MNAT1: variants seen among roughly 807,000 people sequenced by gnomAD.
MNAT1 encodes the protein MNAT1 component of CDK activating kinase, also known as CDK-activating kinase assembly factor MAT1.
In MNAT1, 43 loss-of-function variants were observed where a neutral mutation model predicts 42.0. That is an observed-to-expected ratio of 1.02 (90% CI 0.80 to 1.32). MNAT1 has a LOEUF of 1.32. Among genes scored for constraint, MNAT1 ranks in the 40% most tolerant of loss-of-function variants. MNAT1 has a pLI of 0.00. For missense variants in MNAT1, 306 were observed against 350.4 expected (o/e 0.87, Z 1.01); for synonymous variants, 118 against 120.0 (o/e 0.98, Z 0.11).
At position 60,906,016 on chromosome 14, in the gene MNAT1, G is replaced by C. The variant is rs1183807388; in HGVS notation, c.809+26181G>C. Among the ~76,000 whole-genome samples the C allele has an allele frequency of 2.6e-5, 4 of 152,346 alleles. No homozygotes were observed. In the East Asian group the frequency reaches 5.8e-4, roughly 22 times the overall value. On this transcript the variant is annotated intron_variant, in intron 7 of 7. Coordinates refer to ENST00000261245, the MANE Select transcript of MNAT1 (RefSeq NM_002431.4). ...GATAAAAGGATGGATAGTGATTGGA[G>C]TAGTGTGCTATTTTTGGTGATTGAA...
intron 7 of MNAT1, among the ~76,000 whole-genome samples, chr14:60,938,663 T>C (rs2036065780): frequency 6.6e-6 from 1 of 152,216 alleles, no homozygotes; most frequent in Admixed American, 6.5e-5. Context: ...TTTGTATCAA[T>C]GTTCATCAGG....
At chr14:60,785,732 A>C (rs2031626834) in intron 1 of MNAT1, among the ~76,000 whole-genome samples, 1 of 152,200 alleles carries the variant, frequency 6.6e-6, no homozygotes. Context: ...ATTGATTCAC[A>C]AGAATGTATA....
intron 1 of MNAT1, among the ~76,000 whole-genome samples, chr14:60,744,376 C>G (rs1229475887): frequency 6.6e-6 from 1 of 151,972 alleles, no homozygotes; most frequent in Admixed American, 6.6e-5. Context: ...AAGTGATCTG[C>G]GTGCCTCGGC....
chr14:60,735,271 GC>G (rs1896272402), intron 1 of MNAT1, among the ~76,000 whole-genome samples: 1 of 152,164 alleles, frequency 6.6e-6, no homozygotes, highest in African/African-American at 2.4e-5. Flanking sequence ...CTGATTAAAA[GC>G]GTGGGGGATT....
intron 7 of MNAT1, among the ~76,000 whole-genome samples, chr14:60,896,734 C>T (rs978664133): frequency 1.1e-4 from 16 of 152,152 alleles, no homozygotes; most frequent in Admixed American, 3.3e-4. Context: ...GATCCACACG[C>T]CTCAGCCTCC....
intron 6 of MNAT1, among the ~76,000 whole-genome samples, chr14:60,875,248 C>T (rs1381844618): frequency 6.6e-6 from 1 of 152,000 alleles, no homozygotes; most frequent in African/African-American, 2.4e-5. Context: ...AATTGAACAA[C>T]CATGATTATA....
chr14:60,798,181 A>G (rs373355303), intron 3 of MNAT1, 21 bp downstream of exon 3: 14 of 1,254,836 alleles, frequency 1.1e-5, no homozygotes, highest in Non-Finnish European at 1.4e-5. Flanking sequence ...AATTTGATGT[A>G]TGCTAGCCTA....
At chr14:60,775,811 G>A (rs1447449774) in intron 1 of MNAT1, among the ~76,000 whole-genome samples, 1 of 152,202 alleles carries the variant, frequency 6.6e-6, no homozygotes, top group Non-Finnish European at 1.5e-5. Context: ...TGATTGAGGT[G>A]AGAATGGGAA....
At chr14:60,756,257 A>C (rs1470863562) in intron 1 of MNAT1, among the ~76,000 whole-genome samples, 1 of 152,210 alleles carries the variant, frequency 6.6e-6, no homozygotes, top group Admixed American at 6.5e-5. Flanking sequence ...AACCATACAC[A>C]TTTGTTGAAC....
chr14:60,909,757 T>A (rs1347684240), intron 7 of MNAT1, among the ~76,000 whole-genome samples: 1 of 152,228 alleles, frequency 6.6e-6, no homozygotes, highest in African/African-American at 2.4e-5. Context: ...TCAGGCAGCG[T>A]GATGCCTCCA....
At position 60,913,399 on chromosome 14, in the gene MNAT1, C is replaced by T. The variant is rs141825142; in HGVS notation, c.809+33564C>T. Among the ~76,000 whole-genome samples, 99 of 152,264 alleles carry T rather than the reference C, an allele frequency of 6.5e-4. No homozygotes were observed. The East Asian group carries it at 0.016, about 24-fold the overall frequency. On this transcript the variant is annotated intron_variant, in intron 7 of 7. Transcript: ENST00000261245. ...CTGCATTCCTTTGGAGGAGGAGAGG[C>T]GCTCTGATTTTTAGAGTTTCCAGTT...
At position 60,955,620 on chromosome 14, in the gene MNAT1, C is replaced by T. The variant is rs372257101; in HGVS notation, c.810-12609C>T. ...AGGTTGCAGTGAGCCAAGATCGCAC[C>T]ATTGCACTCAAACCTGGGCAACAAG... is the stretch of plus-strand genomic sequence containing the variant. On this transcript the variant is annotated intron_variant, in intron 7 of 7. Transcript: ENST00000261245. Among the ~76,000 whole-genome samples the T allele has an allele frequency of 5.3e-5, 8 of 152,286 alleles. No homozygotes were observed. In the East Asian group the frequency reaches 1.5e-3, roughly 29 times the overall value.
intron 7 of MNAT1, 97 bp downstream of exon 7, chr14:60,879,932 A>G (rs1249623747): frequency 1.5e-6 from 2 of 1,364,498 alleles, no homozygotes; most frequent in South Asian, 1.5e-5. Context: ...TTCAGTTTAT[A>G]GAACTTTACT....
intron 7 of MNAT1, among the ~76,000 whole-genome samples, chr14:60,887,360 G>A (rs2034702086): frequency 6.7e-6 from 1 of 149,676 alleles, no homozygotes; most frequent in African/African-American, 2.5e-5. Flanking sequence ...TTGAGCATTA[G>A]GTATATCTCC....
chr14:60,933,737 C>T (rs2035934666), intron 7 of MNAT1, among the ~76,000 whole-genome samples: 1 of 152,066 alleles, frequency 6.6e-6, no homozygotes, highest in Admixed American at 6.6e-5. Context: ...CCTTGTTTAT[C>T]TCCCTGCTCT....
At chr14:60,770,299 A>T (rs978096118) in intron 1 of MNAT1, among the ~76,000 whole-genome samples, 12 of 152,122 alleles carry the variant, frequency 7.9e-5, no homozygotes, top group Non-Finnish European at 1.6e-4. Context: ...TTCATTATAT[A>T]TATATAGTAT....
At position 60,929,161 on chromosome 14, in the gene MNAT1, A is replaced by AT. The variant is rs2035828353; in HGVS notation, c.810-39068_810-39067insT. The stretch of plus-strand genomic sequence containing the variant: ...GACTCCATCTCCCAAAAAAAAAAAA[A>AT]AAAAAAAAAATATATATATATATAT... On this transcript the variant is annotated intron_variant, in intron 7 of 7. Transcript: ENST00000261245. 1.5e-3 allele frequency among the ~76,000 whole-genome samples: 208 copies of AT among 135,772 alleles called. 1 individual carries two copies. Among genetic ancestry groups the AT allele is most frequent in the African/African-American group, 5.7e-3 (194 of 34,254 alleles). 89.1% of individuals were successfully genotyped at this position (135,772 alleles called of 152,430 possible).
chr14:60,795,353 T>C (rs1021898237), intron 1 of MNAT1, among the ~76,000 whole-genome samples: 20 of 152,016 alleles, frequency 1.3e-4, no homozygotes, highest in African/African-American at 4.8e-4. Context: ...ATTGGGGTGG[T>C]ACCTAGACCC....
Position 60,794,949 on chromosome 14 carries a change from G to A in MNAT1, c.90-1268G>A, listed in dbSNP as rs528478278. 1.4e-4 allele frequency among the ~76,000 whole-genome samples: 22 copies of A among 151,830 alleles called. No individual in the cohort carries two copies. In the East Asian group the frequency reaches 3.7e-3, roughly 25 times the overall value. ...GTGAGTACTTAGCGTTAGGCACTGC[G>A]GATAGAGAACAAGATAGGCAACATT... is the stretch of plus-strand genomic sequence containing the variant. On this transcript the variant is annotated intron_variant, in intron 1 of 7. Coordinates refer to ENST00000261245, the MANE Select transcript of MNAT1 (RefSeq NM_002431.4).
Sources: allele counts gnomAD v4.1 joint callset (sites outside exome capture counted in the v4.1 genomes callset), GRCh38; gene constraint gnomAD v4.1.1; transcripts MANE v1.5; gene names NCBI Gene and HGNC (gene_info 2026-07-23, HGNC 2026-07-21).